Variants in TGFBR3 observed in about 807,000 individuals in gnomAD.
The protein encoded by TGFBR3 is transforming growth factor beta receptor type 3.
In TGFBR3, 46 loss-of-function variants were observed where a neutral mutation model predicts 87.9. The ratio of observed to expected loss-of-function variants is 0.52; its 90% confidence interval spans 0.41 to 0.67. TGFBR3 has a LOEUF of 0.67. TGFBR3 is among the 30% of genes least tolerant of loss of function. The pLI is 0.00. For synonymous variants in TGFBR3, 381 were observed against 391.6 expected (o/e 0.97, Z 0.32); for missense variants, 866 against 1,041.9 (o/e 0.83, Z 2.32).
chr1:91,819,276 G>A (rs1371453068), intron 2 of TGFBR3, among the ~76,000 whole-genome samples: 4 of 152,120 alleles, frequency 2.6e-5, no homozygotes, highest in Admixed American at 6.5e-5. Context: ...GCTGAGGCAG[G>A]AGAATCACTT....
At chr1:91,876,682 A>T (rs188226585) in intron 1 of TGFBR3, among the ~76,000 whole-genome samples, 4 of 152,312 alleles carry the variant, frequency 2.6e-5, no homozygotes, top group African/African-American at 9.6e-5. Flanking sequence ...GTCCCGGAAC[A>T]CTGGACCCAA....
At position 91,683,828 on chromosome 1, in the gene TGFBR3, T is replaced by A; in HGVS notation, c.2467A>T (p.Thr823Ser). ...CTGTTTTCCGAGGCTGGCGGGGAGGTGGGGACTTGCTGCCTTCCTGCTGTC... is the reference window on the plus strand; with the variant it reads ...CTGTTTTCCGAGGCTGGCGGGGAGGAGGGGACTTGCTGCCTTCCTGCTGTC... Reference protein sequence around the residue: ...GETAGRQQVPTSPPASENSSA... With the variant: ...GETAGRQQVPSSPPASENSSA... Residue 823 changes from threonine (T) to serine (S), a missense_variant, in exon 17 of 17, where the codon ACC becomes TCC. Coordinates refer to ENST00000212355, the MANE Select transcript of TGFBR3 (RefSeq NM_003243.5). 1.2e-6 allele frequency: 2 copies of A among 1,600,270 alleles called. No homozygotes were observed. The highest frequency in any genetic ancestry group is 1.7e-6 in the Non-Finnish European group (2 of 1,173,626).
chr1:91,696,157 C>G (rs1557661624), intron 15 of TGFBR3, among the ~76,000 whole-genome samples: 1 of 152,160 alleles, frequency 6.6e-6, no homozygotes, highest in Non-Finnish European at 1.5e-5. Flanking sequence ...AAGTGAACTT[C>G]CATGATCAAA....
chr1:91,871,095 G>A (rs1227667262), intron 1 of TGFBR3, among the ~76,000 whole-genome samples: 2 of 151,690 alleles, frequency 1.3e-5, no homozygotes, highest in Non-Finnish European at 2.9e-5. Flanking sequence ...TATAAATCCT[G>A]GCACCAGGAC....
intron 3 of TGFBR3, among the ~76,000 whole-genome samples, chr1:91,793,936 C>A (rs1361261785): frequency 1.3e-5 from 2 of 151,768 alleles, no homozygotes; most frequent in Non-Finnish European, 2.9e-5. Flanking sequence ...TCTACAAAAA[C>A]CAAGTTATCC....
chr1:91,774,843 GAA>G (rs1253518108), intron 3 of TGFBR3, among the ~76,000 whole-genome samples: 2 of 152,140 alleles, frequency 1.3e-5, no homozygotes, highest in South Asian at 2.1e-4. Flanking sequence ...AAGGAATAGA[GAA>G]AAGAGTGAAA....
intron 16 of TGFBR3, among the ~76,000 whole-genome samples, chr1:91,690,515 G>A (rs1671229359): frequency 6.6e-6 from 1 of 152,120 alleles, no homozygotes; most frequent in Non-Finnish European, 1.5e-5. Flanking sequence ...GTGAAACTCT[G>A]AATCAAGAAA....
chr1:91,873,215 C>A (rs1678654845), intron 1 of TGFBR3, among the ~76,000 whole-genome samples: 2 of 151,780 alleles, frequency 1.3e-5, no homozygotes, highest in Admixed American at 1.3e-4. Context: ...ATATAATCCT[C>A]CTGCCTCAGC....
chr1:91,718,079 C>G (rs1672239145), intron 10 of TGFBR3, among the ~76,000 whole-genome samples: 1 of 151,946 alleles, frequency 6.6e-6, no homozygotes, highest in South Asian at 2.1e-4. Flanking sequence ...ATTTGAGTAA[C>G]AAAAGGAGAT....
chr1:91,825,988 A>AC (rs988084545), intron 2 of TGFBR3, among the ~76,000 whole-genome samples: 2 of 151,742 alleles, frequency 1.3e-5, no homozygotes, highest in African/African-American at 4.8e-5. Flanking sequence ...CAAAAAAAAA[A>AC]AAATCCACTT....
intron 2 of TGFBR3, among the ~76,000 whole-genome samples, chr1:91,845,168 C>T (rs755539930): frequency 2.0e-5 from 3 of 152,174 alleles, no homozygotes; most frequent in Non-Finnish European, 2.9e-5. Context: ...GATCTGACAA[C>T]ATCACGAAAT....
At chr1:91,850,080 C>CAAAAAAAAAAAAAAAAAAA (rs376631972) in intron 2 of TGFBR3, among the ~76,000 whole-genome samples, 90 of 51,970 alleles carry the variant, frequency 1.7e-3, no homozygotes, top group Non-Finnish European at 2.5e-3. Context: ...GACTCCATCT[C>CAAAAAAAAAAAAAAAAAAA]AAAAAAAAAA....
At chr1:91,744,894 T>C (rs1396759840) in intron 4 of TGFBR3, among the ~76,000 whole-genome samples, 1 of 152,208 alleles carries the variant, frequency 6.6e-6, no homozygotes, top group Non-Finnish European at 1.5e-5. Context: ...GTCATCTCCT[T>C]GCACATCTCA....
intron 3 of TGFBR3, among the ~76,000 whole-genome samples, chr1:91,773,676 C>T (rs1674468339): frequency 6.6e-6 from 1 of 152,012 alleles, no homozygotes; most frequent in Non-Finnish European, 1.5e-5. Context: ...AGCAAGACTC[C>T]ATCTCAAAAA....
chr1:91,815,088 G>A (rs1473306324), intron 2 of TGFBR3, among the ~76,000 whole-genome samples: 1 of 152,142 alleles, frequency 6.6e-6, no homozygotes, highest in Non-Finnish European at 1.5e-5. Context: ...GATCACTTGA[G>A]GCCAGGAGTT....
chr1:91,891,219 A>G (rs1284962118), intron 2 of TGFBR3, among the ~76,000 whole-genome samples: 2 of 151,384 alleles, frequency 1.3e-5, no homozygotes, highest in African/African-American at 4.9e-5. Flanking sequence ...GTTTACTTCA[A>G]AGGCTAAGTA....
intron 2 of TGFBR3, among the ~76,000 whole-genome samples, chr1:91,899,190 T>A (rs1679624010): frequency 1.3e-5 from 2 of 152,210 alleles, no homozygotes; most frequent in Admixed American, 1.3e-4. Context: ...AATATATTAA[T>A]TAGCTTGATT....
intron 2 of TGFBR3, among the ~76,000 whole-genome samples, chr1:91,891,838 T>C (rs1447295413): frequency 2.9e-4 from 44 of 152,242 alleles, no homozygotes; most frequent in Admixed American, 2.9e-3. Context: ...TCATACTCGT[T>C]GGTGTTTTAT....
chr1:91,696,021 A>G (rs2296622), intron 15 of TGFBR3, among the ~76,000 whole-genome samples: 32,183 of 152,160 alleles, frequency 0.21, 3,680 homozygotes, highest in Middle Eastern at 0.31. Context: ...TCAACAAACT[A>G]ACTAAAAAAT....
Sources: allele counts gnomAD v4.1 joint callset (sites outside exome capture counted in the v4.1 genomes callset), GRCh38; gene constraint gnomAD v4.1.1; transcripts MANE v1.5; gene names NCBI Gene and HGNC (gene_info 2026-07-23, HGNC 2026-07-21).